EXOC6: variants seen among roughly 807,000 people sequenced by gnomAD.
EXOC6 encodes the protein SEC15-like 1.
In EXOC6, 60 loss-of-function variants were observed where a neutral mutation model predicts 112.5. The ratio of observed to expected loss-of-function variants is 0.53; its 90% CI spans 0.43 to 0.66. The LOEUF is 0.66. Ranked by LOEUF, EXOC6 falls within the 30% of genes least tolerant of loss-of-function variation. The pLI, the probability that EXOC6 is intolerant of heterozygous loss-of-function variation, is 0.00. For missense variants in EXOC6, 855 were observed against 957.1 expected (o/e 0.89, Z 1.41); for synonymous variants, 295 against 308.0 (o/e 0.96, Z 0.44).
chr10:93,013,019 C>T (rs535834986), intron 19 of EXOC6, among the ~76,000 whole-genome samples: 2 of 149,318 alleles, frequency 1.3e-5, no homozygotes, highest in South Asian at 2.1e-4. Flanking sequence ...GGTGACAGAT[C>T]GAGAAAAAGA....
At chr10:93,043,657 T>A (rs1025891584) in intron 20 of EXOC6, among the ~76,000 whole-genome samples, 3 of 152,228 alleles carry the variant, frequency 2.0e-5, no homozygotes, top group African/African-American at 7.2e-5. Context: ...CCTAATTTCC[T>A]GTTTTTAGGT....
chr10:92,915,700 A>G (rs564410797), intron 6 of EXOC6, 58 bp from the exon 7 acceptor site: 20 of 1,315,942 alleles, frequency 1.5e-5, no homozygotes, highest in Admixed American at 8.9e-5. Context: ...AATTTTTTGA[A>G]CCAATTTTGA....
At chr10:92,862,536 CAGAACTCACT>C (rs1484567921) in intron 1 of EXOC6, among the ~76,000 whole-genome samples, 1 of 152,080 alleles carries the variant, frequency 6.6e-6, no homozygotes, top group Non-Finnish European at 1.5e-5. Flanking sequence ...ATCTATGAAC[CAGAACTCACT>C]AGACATGAAT....
chr10:93,046,124 G>C (rs1292447615), intron 20 of EXOC6, among the ~76,000 whole-genome samples: 1 of 152,222 alleles, frequency 6.6e-6, no homozygotes, highest in African/African-American at 2.4e-5. Context: ...AATCTCAACA[G>C]ATATTTAGTT....
rs1259059776 is a variant in EXOC6 at position 93,052,056 on chromosome 10, CTTTA to C, written c.2170-4862_2170-4859del. Among the ~76,000 whole-genome samples, 4 of 152,260 alleles carry C rather than the reference CTTTA, an allele frequency of 2.6e-5. No homozygotes were observed. The South Asian group carries it at 6.2e-4, about 24-fold the overall frequency. ...TGCTTTTCTCTTGAGGTTGGCTTAACTTTATTTATCTTCTGTCCTGGGTCACTGC... is the reference window on the plus strand; with the variant it reads ...TGCTTTTCTCTTGAGGTTGGCTTAACTTTATCTTCTGTCCTGGGTCACTGC... On this transcript the variant is annotated intron_variant, in intron 20 of 21. Coordinates refer to ENST00000260762, the MANE Select transcript of EXOC6 (RefSeq NM_019053.6).
At chr10:92,911,938 CGTGTGTGTGT>C (rs72368133) in intron 6 of EXOC6, among the ~76,000 whole-genome samples, 219 of 136,160 alleles carry the variant, frequency 1.6e-3, no homozygotes, top group East Asian at 5.8e-3. Flanking sequence ...TCTCTGTGTG[CGTGTGTGTGT>C]GTGTGTGTGT....
intron 1 of EXOC6, among the ~76,000 whole-genome samples, chr10:92,873,076 A>T (rs1848526031): frequency 6.6e-6 from 1 of 152,222 alleles, no homozygotes; most frequent in Non-Finnish European, 1.5e-5. Flanking sequence ...TTCGCAATTC[A>T]TTTTATCCTA....
intron 20 of EXOC6, among the ~76,000 whole-genome samples, chr10:93,054,272 C>T (rs1056742930): frequency 2.6e-5 from 4 of 152,064 alleles, no homozygotes; most frequent in Admixed American, 1.3e-4. Flanking sequence ...GTATCTAGCA[C>T]GTGATAGGTG....
chr10:92,896,045 GTGTATATATA>G (rs1849738832), intron 4 of EXOC6, among the ~76,000 whole-genome samples: 1 of 84,382 alleles, frequency 1.2e-5, no homozygotes, highest in South Asian at 5.1e-4. Context: ...GTATATATAT[GTGTATATATA>G]TGTGTATATA....
At chr10:92,840,022 A>G (rs1029680515) in intron 1 of EXOC6, among the ~76,000 whole-genome samples, 2 of 152,246 alleles carry the variant, frequency 1.3e-5, no homozygotes, top group South Asian at 2.1e-4. Flanking sequence ...AAAGCTGACC[A>G]TGAAGTTTTA....
At chr10:92,876,113 G>A (rs1449808977) in intron 1 of EXOC6, among the ~76,000 whole-genome samples, 2 of 151,900 alleles carry the variant, frequency 1.3e-5, no homozygotes, top group Non-Finnish European at 1.5e-5. Context: ...CTTTATGGTT[G>A]ATTAATATTT....
chr10:93,045,354 T>G (rs1845960549), intron 20 of EXOC6, among the ~76,000 whole-genome samples: 1 of 152,244 alleles, frequency 6.6e-6, no homozygotes, highest in East Asian at 1.9e-4. Context: ...TGCTTTATTT[T>G]AAGTCATAAC....
At chr10:92,834,709 G>A, upstream of EXOC6, 1 of 1,570,294 alleles carries the variant, frequency 6.4e-7, no homozygotes, top group Non-Finnish European at 8.7e-7. Flanking sequence ...TCTGACATCT[G>A]CAGCTGGAAA....
intron 18 of EXOC6, among the ~76,000 whole-genome samples, chr10:92,993,283 T>G (rs900860391): frequency 1.3e-5 from 2 of 152,176 alleles, no homozygotes; most frequent in Non-Finnish European, 2.9e-5. Context: ...TAGTTTATTG[T>G]ACAAAGTTAA....
chr10:93,021,886 A>G (rs1844811363), intron 20 of EXOC6, among the ~76,000 whole-genome samples: 1 of 152,176 alleles, frequency 6.6e-6, no homozygotes, highest in Admixed American at 6.5e-5. Context: ...TTATGGTGGT[A>G]ATTCGTTTAT....
intron 5 of EXOC6, among the ~76,000 whole-genome samples, chr10:92,905,331 T>C (rs1564817764): frequency 1.3e-5 from 2 of 152,032 alleles, no homozygotes; most frequent in Non-Finnish European, 2.9e-5. Flanking sequence ...GGGGTTTTGA[T>C]TGGGATTGCA....
At chr10:93,004,685 A>G (rs953777758) in intron 19 of EXOC6, among the ~76,000 whole-genome samples, 10 of 152,190 alleles carry the variant, frequency 6.6e-5, no homozygotes, top group African/African-American at 1.9e-4. Context: ...AGTGGATACA[A>G]TGTCTAAGTT....
rs558287611 is a variant in EXOC6 at position 92,882,693 on chromosome 10, T to G, written c.102-10656T>G. ...ATCTTTAAATAATATTTTAGCCCAT[T>G]GTTTCTCACATGGTTGTTACTGAAA... is the stretch of plus-strand genomic sequence containing the variant. On this transcript the variant is annotated intron_variant, in intron 1 of 21. Coordinates refer to ENST00000260762, the MANE Select transcript of EXOC6 (RefSeq NM_019053.6). Among the ~76,000 whole-genome samples, 3 of 152,290 alleles carry G rather than the reference T, an allele frequency of 2.0e-5. No homozygotes were observed. The East Asian group carries it at 5.8e-4, about 29-fold the overall frequency.
At chr10:93,011,222 CAAAA>C (rs796882523) in intron 19 of EXOC6, among the ~76,000 whole-genome samples, 2 of 112,692 alleles carry the variant, frequency 1.8e-5, no homozygotes. Flanking sequence ...TTTTTGTGAC[CAAAA>C]AAAAAAAAAG....
Sources: allele counts gnomAD v4.1 joint callset (sites outside exome capture counted in the v4.1 genomes callset), GRCh38; gene constraint gnomAD v4.1.1; transcripts MANE v1.5; gene names NCBI Gene and HGNC (gene_info 2026-07-23, HGNC 2026-07-21).